ABCA13: variants seen among roughly 807,000 people sequenced by gnomAD.
The protein encoded by ABCA13 is ATP-binding cassette sub-family A member 13.
In ABCA13, 476 loss-of-function variants were observed where a neutral mutation model predicts 478.7. The ratio of observed to expected loss-of-function variants is 0.99; its 90% confidence interval spans 0.92 to 1.07. The LOEUF (loss-of-function observed/expected upper bound fraction) is 1.07, where lower values mean the gene tolerates loss of function less well. ABCA13 is among the 50% of genes least tolerant of loss of function. The pLI is 0.00. For missense variants in ABCA13, 6,060 were observed against 5,910.6 expected (o/e 1.03, Z -0.83); for synonymous variants, 2,252 against 2,158.9 (o/e 1.04, Z -1.20).
At chr7:48,433,221 C>A (rs1822379289) in intron 42 of ABCA13, among the ~76,000 whole-genome samples, 1 of 151,670 alleles carries the variant, frequency 6.6e-6, no homozygotes, top group African/African-American at 2.4e-5. Flanking sequence ...TGGAGTTTGC[C>A]TCTAGGGGAG....
intron 27 of ABCA13, among the ~76,000 whole-genome samples, chr7:48,334,350 T>G (rs1805877582): frequency 6.6e-6 from 1 of 152,014 alleles, no homozygotes; most frequent in Non-Finnish European, 1.5e-5. Context: ...TTTTTTTTTT[T>G]TTGAGATGGA....
At chr7:48,256,094 G>C (rs1382921285) in intron 15 of ABCA13, among the ~76,000 whole-genome samples, 1 of 152,086 alleles carries the variant, frequency 6.6e-6, no homozygotes. Flanking sequence ...CCATGTGCAT[G>C]TCTTCTTCTA....
At chr7:48,473,011 G>C (rs1217478836) in intron 45 of ABCA13, among the ~76,000 whole-genome samples, 2 of 152,164 alleles carry the variant, frequency 1.3e-5, no homozygotes, top group Admixed American at 6.5e-5. Context: ...AAGGTGAAAG[G>C]CACTTCTTAC....
At position 48,422,800 on chromosome 7, in the gene ABCA13, A is replaced by G. The variant is rs73325740; in HGVS notation, c.12460-4966A>G. Among the ~76,000 whole-genome samples the G allele has an allele frequency of 8.9e-3, 1,355 of 152,342 alleles. 29 individuals carry two copies. The highest frequency in any genetic ancestry group is 0.031 in the African/African-American group (1,304 of 41,582). ...CAAATTATCTGGGTGGACTTGATGT[A>G]ATCAAAAGGATACATCAAAGGGGGA... On this transcript the variant is annotated intron_variant, in intron 41 of 61. Transcript: ENST00000435803.
rs534455246 is a variant in ABCA13 at position 48,319,628 on chromosome 7, GA to G, written c.9999+2340del. On this transcript the variant is annotated intron_variant, in intron 27 of 61. Coordinates refer to ENST00000435803, the MANE Select transcript of ABCA13 (RefSeq NM_152701.5). ...CCATCTGAAGTTGCCATTTTTGCAG[GA>G]AAAAAAATCTATAAAAGTTGGTAAT... Among the ~76,000 whole-genome samples, 11 of 151,896 alleles carry G rather than the reference GA, an allele frequency of 7.2e-5. No homozygotes were observed. The East Asian group carries it at 1.7e-3, about 24-fold the overall frequency.
intron 39 of ABCA13, among the ~76,000 whole-genome samples, chr7:48,407,169 C>T (rs752445779): frequency 2.3e-4 from 35 of 151,954 alleles, no homozygotes; most frequent in Non-Finnish European, 4.1e-4. Context: ...CAAACAACCT[C>T]GGATCAAAAA....
At chr7:48,197,875 G>A (rs1336516720) in intron 2 of ABCA13, among the ~76,000 whole-genome samples, 1 of 152,136 alleles carries the variant, frequency 6.6e-6, no homozygotes, top group Non-Finnish European at 1.5e-5. Flanking sequence ...ATGGGAAGAA[G>A]CATCCTTTCT....
At chr7:48,173,204 C>T (rs943001083) in intron 1 of ABCA13, among the ~76,000 whole-genome samples, 2 of 152,216 alleles carry the variant, frequency 1.3e-5, no homozygotes, top group African/African-American at 4.8e-5. Context: ...GTAACTCCTG[C>T]ATCCCACTTT....
At chr7:48,597,125 G>T (rs1266495056) in intron 58 of ABCA13, among the ~76,000 whole-genome samples, 5 of 151,858 alleles carry the variant, frequency 3.3e-5, no homozygotes, top group Non-Finnish European at 7.4e-5. Flanking sequence ...CTAATTTTTT[G>T]TATTTTAGTA....
chr7:48,303,918 T>G (rs1375852768), intron 23 of ABCA13, among the ~76,000 whole-genome samples: 1 of 152,180 alleles, frequency 6.6e-6, no homozygotes, highest in Non-Finnish European at 1.5e-5. Context: ...ACCTATTTAT[T>G]TGTTTGGGCT....
chr7:48,510,938 G>C (rs1831625531), intron 50 of ABCA13, 146 bp from the exon 51 acceptor site: 1 of 657,224 alleles, frequency 1.5e-6, no homozygotes, highest in South Asian at 2.0e-5. Flanking sequence ...CGACTTTCCA[G>C]GACTAATTCC....
At chr7:48,177,486 CA>C (rs1025300907) in intron 1 of ABCA13, among the ~76,000 whole-genome samples, 4 of 152,202 alleles carry the variant, frequency 2.6e-5, no homozygotes, top group Non-Finnish European at 5.9e-5. Context: ...GGCCCACACC[CA>C]GGGGCGCTCC....
At chr7:48,490,584 G>A (rs944880813) in intron 48 of ABCA13, among the ~76,000 whole-genome samples, 13 of 151,936 alleles carry the variant, frequency 8.6e-5, no homozygotes, top group African/African-American at 2.9e-4. Context: ...CTTGAACAAT[G>A]AGCAGAAGTT....
Position 48,520,123 on chromosome 7 carries a change from T to C in ABCA13, c.13880T>C (p.Leu4627Pro). 6.2e-7 allele frequency: 1 copy of C among 1,613,758 alleles called. No homozygotes were observed. The highest frequency in any genetic ancestry group is 8.5e-7 in the Non-Finnish European group (1 of 1,179,770). ...TGTCTTGGTCAAGGACTGGTAGAAC[T>C]CTGCTATAATCAGATCAAATATGAC... is the stretch of plus-strand genomic sequence containing the variant. Reference protein sequence around the residue: ...QFCLGQGLVELCYNQIKYDLT... With the variant: ...QFCLGQGLVEPCYNQIKYDLT... The change falls in exon 53 of 62, where the codon CTC becomes CCC. Residue 4627 changes from leucine (L) to proline (P), a missense_variant. Physicochemically the swap from Leu to Pro is moderately conservative, Grantham distance 98 (BLOSUM62 -3). Around this residue, in one of 3 missense-constraint regions of ABCA13, gnomAD observed 1,627 missense variants for 1,571.0 expected, o/e 1.04. Transcript: ENST00000435803.
intron 43 of ABCA13, among the ~76,000 whole-genome samples, chr7:48,457,143 A>C (rs2129812676): frequency 6.6e-6 from 1 of 152,158 alleles, no homozygotes; most frequent in South Asian, 2.1e-4. Context: ...AAACTCTAAA[A>C]GTTTTGATAG....
Position 48,276,027 on chromosome 7 carries a change from G to A in ABCA13, c.6361G>A (p.Asp2121Asn). Residue 2121 changes from aspartate to asparagine, a missense_variant, in exon 17 of 62, where the codon GAT becomes AAT. By Grantham distance (23) the Asp-to-Asn change is conservative (BLOSUM62 1). Around this residue, in one of 3 missense-constraint regions of ABCA13, gnomAD observed 4,423 missense variants for 4,309.1 expected, o/e 1.03. Transcript: ENST00000435803. ...ATTGAAGACATTAGAAATTATTGAA[G>A]ATTTTCTATTGGTCACAAAAAACTG... ...PSLKTLEIIEDFLLVTKNWLQ... is the reference protein window; with the variant it reads ...PSLKTLEIIENFLLVTKNWLQ... 6.2e-7 allele frequency: 1 copy of A among 1,610,264 alleles called. No homozygotes were observed.
At chr7:48,218,979 T>C (rs748242380) in intron 3 of ABCA13, among the ~76,000 whole-genome samples, 26 of 152,220 alleles carry the variant, frequency 1.7e-4, no homozygotes, top group Non-Finnish European at 3.2e-4. Context: ...ATTATCTCTG[T>C]CTCCTCCTCA....
At chr7:48,443,811 G>T (rs941108418) in intron 42 of ABCA13, among the ~76,000 whole-genome samples, 8 of 152,070 alleles carry the variant, frequency 5.3e-5, no homozygotes, top group Admixed American at 1.3e-4. Flanking sequence ...GCCTCAGAAA[G>T]AAAATAAGAG....
At chr7:48,571,558 T>C (rs1042137303) in intron 55 of ABCA13, among the ~76,000 whole-genome samples, 1 of 152,116 alleles carries the variant, frequency 6.6e-6, no homozygotes, top group Non-Finnish European at 1.5e-5. Flanking sequence ...GTGATGTCTG[T>C]TAAGAAAGCA....
Sources: gnomAD v4.1 joint callset for allele counts (sites outside exome capture counted in the v4.1 genomes callset) on GRCh38, gnomAD v4.1.1 for gene constraint, gnomAD v4.1.1 regional missense constraint, MANE v1.5 for transcripts, NCBI Gene and HGNC (gene_info 2026-07-23, HGNC 2026-07-21) for gene names.